CDK14: variants seen among roughly 807,000 people sequenced by gnomAD.
CDK14 encodes cyclin-dependent kinase 14.
In CDK14, 34 loss-of-function variants were observed where a neutral mutation model predicts 60.7. That is an observed-to-expected ratio of 0.56 (90% CI 0.43 to 0.75). CDK14 has a LOEUF of 0.75. Ranked by LOEUF, CDK14 falls within the 30% of genes least tolerant of loss-of-function variation. The pLI is 0.00. For missense variants in CDK14, 482 were observed against 564.1 expected, an observed-to-expected ratio of 0.85 and a Z score of 1.47; for synonymous variants, 197 against 203.7, an observed-to-expected ratio of 0.97 and a Z score of 0.28.
intron 5 of CDK14, among the ~76,000 whole-genome samples, chr7:90,846,092 T>A (rs1790462735): frequency 6.6e-6 from 1 of 152,158 alleles, no homozygotes; most frequent in African/African-American, 2.4e-5. Context: ...TTACTTTACT[T>A]CAAACATTTT....
intron 9 of CDK14, among the ~76,000 whole-genome samples, chr7:90,977,043 C>T (rs891559941): frequency 6.6e-6 from 1 of 152,020 alleles, no homozygotes; most frequent in African/African-American, 2.4e-5. Flanking sequence ...CCTGTGTTTT[C>T]TTCTAGTAGT....
intron 3 of CDK14, among the ~76,000 whole-genome samples, chr7:90,740,798 A>T (rs941032103): frequency 6.6e-6 from 1 of 152,130 alleles, no homozygotes; most frequent in Non-Finnish European, 1.5e-5. Context: ...TGCTAGCAAA[A>T]TTTGTGCTGC....
At chr7:91,068,490 T>C (rs1196262814) in intron 11 of CDK14, among the ~76,000 whole-genome samples, 1 of 152,202 alleles carries the variant, frequency 6.6e-6, no homozygotes, top group African/African-American at 2.4e-5. Flanking sequence ...TAATTTCTTC[T>C]CCAAATAATA....
At chr7:90,866,772 T>C (rs1488411570) in intron 6 of CDK14, among the ~76,000 whole-genome samples, 1 of 152,120 alleles carries the variant, frequency 6.6e-6, no homozygotes, top group African/African-American at 2.4e-5. Context: ...AATAATGAAA[T>C]AAGTGGTAAA....
intron 8 of CDK14, among the ~76,000 whole-genome samples, chr7:90,920,752 C>A (rs978915372): frequency 2.0e-5 from 3 of 152,190 alleles, no homozygotes; most frequent in Non-Finnish European, 4.4e-5. Context: ...TACACTGGTA[C>A]AAAAATATGC....
chr7:90,839,294 G>A (rs1237800909), intron 5 of CDK14, among the ~76,000 whole-genome samples: 2 of 152,198 alleles, frequency 1.3e-5, no homozygotes, highest in South Asian at 2.1e-4. Flanking sequence ...ATAGTTAATA[G>A]TGTAGAATTG....
At chr7:90,961,166 T>C (rs1794593469) in intron 9 of CDK14, among the ~76,000 whole-genome samples, 1 of 152,180 alleles carries the variant, frequency 6.6e-6, no homozygotes, top group Non-Finnish European at 1.5e-5. Context: ...ATTTTACCAC[T>C]AGAGCAACTC....
intron 2 of CDK14, among the ~76,000 whole-genome samples, chr7:90,630,250 T>A (rs1482748388): frequency 6.6e-6 from 1 of 152,164 alleles, no homozygotes; most frequent in Admixed American, 6.5e-5. Context: ...TTTTTTGTTG[T>A]ACAGACATCA....
intron 2 of CDK14, among the ~76,000 whole-genome samples, chr7:90,659,640 A>G (rs564927137): frequency 6.6e-4 from 101 of 152,338 alleles, no homozygotes; most frequent in African/African-American, 2.1e-3. Flanking sequence ...CAATTCTGGT[A>G]TAAAAATGTC....
intron 11 of CDK14, among the ~76,000 whole-genome samples, chr7:91,052,581 C>A (rs1797422951): frequency 6.6e-6 from 1 of 151,956 alleles, no homozygotes; most frequent in African/African-American, 2.4e-5. Flanking sequence ...ATGCTTCCAA[C>A]AAAAGGGAAA....
At chr7:90,826,918 G>T (rs934328895) in intron 5 of CDK14, among the ~76,000 whole-genome samples, 1 of 152,050 alleles carries the variant, frequency 6.6e-6, no homozygotes, top group South Asian at 2.1e-4. Flanking sequence ...TTACATCAGG[G>T]TTCACTCTGT....
intron 14 of CDK14, among the ~76,000 whole-genome samples, chr7:91,152,916 A>G (rs803168): frequency 0.35 from 53,346 of 152,088 alleles, 11,239 homozygotes; most frequent in Non-Finnish European, 0.49. Context: ...ACCATTTTCC[A>G]TGTATGTCAA....
At chr7:90,683,832 G>C (rs1393909753) in intron 2 of CDK14, among the ~76,000 whole-genome samples, 1 of 151,984 alleles carries the variant, frequency 6.6e-6, no homozygotes, top group Non-Finnish European at 1.5e-5. Flanking sequence ...ATTCTGGGTA[G>C]ATGTGTTCAT....
chr7:91,076,857 CAAAAG>C (rs995416480), intron 11 of CDK14, among the ~76,000 whole-genome samples: 2 of 151,988 alleles, frequency 1.3e-5, no homozygotes, highest in African/African-American at 4.8e-5. Context: ...AGAAATTTCT[CAAAAG>C]AAGACATTTA....
At chr7:90,989,979 T>C (rs1303538911) in intron 10 of CDK14, among the ~76,000 whole-genome samples, 1 of 152,168 alleles carries the variant, frequency 6.6e-6, no homozygotes, top group Non-Finnish European at 1.5e-5. Context: ...AAAGGAGACA[T>C]CAGGCAGTGG....
intron 5 of CDK14, among the ~76,000 whole-genome samples, chr7:90,842,937 A>G (rs902250724): frequency 6.6e-6 from 1 of 152,140 alleles, no homozygotes; most frequent in African/African-American, 2.4e-5. Context: ...CAAACAACCT[A>G]TTGCTAATGT....
rs371326924 is a variant in CDK14 at position 91,112,595 on chromosome 7, C to G, written c.1208C>G (p.Ser403Cys). The G allele has an allele frequency of 1.9e-6, 3 of 1,613,720 alleles. No homozygotes were observed. Among genetic ancestry groups the G allele is most frequent in the Non-Finnish European group, 2.5e-6 (3 of 1,179,810 alleles). The change falls in exon 13 of 15, where the codon TCC becomes TGC. Residue 403 changes from serine (S) to cysteine (C), a missense_variant. By Grantham distance (112) the Ser-to-Cys change is moderately radical. Coordinates refer to ENST00000380050, the MANE Select transcript of CDK14 (RefSeq NM_001287135.2). ...EDLASKLLQC[S>C]PKNRLSAQAA... is the part of the protein sequence containing the mutation. ...CTGGCCTCCAAGCTCCTACAATGTTCCCCAAAGAACAGACTGTCGGCACAG... is the reference window on the plus strand; with the variant it reads ...CTGGCCTCCAAGCTCCTACAATGTTGCCCAAAGAACAGACTGTCGGCACAG...
At chr7:91,085,224 G>A (rs1798602802) in intron 12 of CDK14, among the ~76,000 whole-genome samples, 1 of 152,140 alleles carries the variant, frequency 6.6e-6, no homozygotes, top group Non-Finnish European at 1.5e-5. Context: ...GACCAACTTG[G>A]GGTTTTATCT....
intron 3 of CDK14, among the ~76,000 whole-genome samples, chr7:90,735,918 G>T (rs1286710935): frequency 6.6e-6 from 1 of 152,192 alleles, no homozygotes; most frequent in Non-Finnish European, 1.5e-5. Context: ...CCAAACGGCT[G>T]CCCAGTTTTG....
Sources: gnomAD v4.1 joint callset for allele counts (sites outside exome capture counted in the v4.1 genomes callset) on GRCh38, gnomAD v4.1.1 for gene constraint, MANE v1.5 for transcripts, NCBI Gene and HGNC (gene_info 2026-07-23, HGNC 2026-07-21) for gene names.